CERKL: variants seen among roughly 807,000 people sequenced by gnomAD.
CERKL encodes the protein ceramide kinase-like protein.
In CERKL, 61 loss-of-function variants were observed where a neutral mutation model predicts 63.4. The ratio of observed to expected loss-of-function variants is 0.96; its 90% CI spans 0.78 to 1.19. CERKL has a LOEUF of 1.19. CERKL is among the 50% of genes most tolerant of loss of function. The pLI, the probability that CERKL is intolerant of heterozygous loss-of-function variation, is 0.00. For synonymous variants in CERKL, 250 were observed against 230.5 expected (o/e 1.08, Z -0.77); for missense variants, 675 against 655.5 (o/e 1.03, Z -0.33).
chr2:181,619,659 A>G (rs530524821), intron 1 of CERKL, among the ~76,000 whole-genome samples: 1 of 152,218 alleles, frequency 6.6e-6, no homozygotes, highest in African/African-American at 2.4e-5. Context: ...TTCATTTCCT[A>G]GCACATGGAA....
rs1186404031 is a variant in CERKL, at chr2:181,537,570, CTT to C, written c.*612_*613del. The stretch of plus-strand genomic sequence containing the variant: ...TTAGGGAGCAGTGAATCAAGGCAGA[CTT>C]ATGAAATCTGTATTATATTTGTAAC... On this transcript the variant is annotated 3_prime_UTR_variant, in exon 13 of 13. Transcript: ENST00000410087. 2.3e-6 allele frequency: 1 copy of C among 432,078 alleles called. No individual in the cohort carries two copies. The highest frequency in any genetic ancestry group is 7.1e-5 in the East Asian group (1 of 14,166). The allele number at this position is 432,078 out of a possible 1,614,324, so 26.8% of individuals were successfully genotyped here.
At chr2:181,594,318 C>CA (rs374177333) in intron 2 of CERKL, among the ~76,000 whole-genome samples, 1 of 152,284 alleles carries the variant, frequency 6.6e-6, no homozygotes, top group African/African-American at 2.4e-5. Context: ...TGTTTTCTAT[C>CA]AGAGTATCAG....
intron 2 of CERKL, among the ~76,000 whole-genome samples, chr2:181,579,460 AT>A (rs1038956124): frequency 3.3e-5 from 5 of 151,978 alleles, no homozygotes; most frequent in African/African-American, 1.2e-4. Context: ...TCACTTGCCA[AT>A]TCTTCATATT....
chr2:181,648,547 G>A (rs1687765738), intron 1 of CERKL, among the ~76,000 whole-genome samples: 1 of 152,184 alleles, frequency 6.6e-6, no homozygotes, highest in Non-Finnish European at 1.5e-5. Context: ...GTTTACAGGA[G>A]TGCTACAGCT....
rs1687251851 is a variant in CERKL, at chr2:181,537,928, TTAGATTCTCA to T, written c.*246_*255del. On this transcript the variant is annotated 3_prime_UTR_variant, in exon 13 of 13. Transcript: ENST00000410087. The stretch of plus-strand genomic sequence containing the variant: ...TCCCCCTGTCAGATCAGCAGCAGCA[TTAGATTCTCA>T]TAGAAGTGCGAACCATATGGTGAAC... 1.7e-6 allele frequency: 1 copy of T among 596,856 alleles called. No homozygotes were observed. Among genetic ancestry groups the T allele is most frequent in the South Asian group, 1.5e-5 (1 of 65,696 alleles). The allele number at this position is 596,856 out of a possible 1,614,324, so 37.0% of individuals were successfully genotyped here. A position where few individuals can be genotyped will look rare whatever the true frequency, so the allele number is the denominator to read the frequency against.
chr2:181,654,155 C>T (rs1272411729), intron 1 of CERKL, among the ~76,000 whole-genome samples: 48 of 150,576 alleles, frequency 3.2e-4, no homozygotes, highest in Non-Finnish European at 8.9e-5. Flanking sequence ...AAATATTTCT[C>T]TACTTAAAAA....
chr2:181,608,413 G>A (rs890740261), intron 1 of CERKL, among the ~76,000 whole-genome samples: 13 of 131,042 alleles, frequency 9.9e-5, no homozygotes, highest in African/African-American at 3.4e-4. Flanking sequence ...ACAAAGGAAG[G>A]AAGCTGGGGG....
At chr2:181,596,011 CA>C (rs1346944518) in intron 2 of CERKL, among the ~76,000 whole-genome samples, 14 of 152,228 alleles carry the variant, frequency 9.2e-5, no homozygotes, top group African/African-American at 3.4e-4. Flanking sequence ...ACTTATTTAA[CA>C]GCATGAAAAC....
chr2:181,614,817 T>C (rs1446291469), intron 1 of CERKL, among the ~76,000 whole-genome samples: 1 of 152,206 alleles, frequency 6.6e-6, no homozygotes, highest in Non-Finnish European at 1.5e-5. Flanking sequence ...AATTCTACCT[T>C]AATGTTAAAA....
intron 1 of CERKL, among the ~76,000 whole-genome samples, chr2:181,619,253 T>C (rs1329682222): frequency 1.3e-5 from 2 of 152,018 alleles, no homozygotes; most frequent in Non-Finnish European, 2.9e-5. Flanking sequence ...TGTATAGGGT[T>C]GGGGGAGGTC....
intron 1 of CERKL, among the ~76,000 whole-genome samples, chr2:181,631,521 C>T (rs541668861): frequency 5.5e-4 from 83 of 152,126 alleles, no homozygotes; most frequent in Non-Finnish European, 1.1e-3. Flanking sequence ...TTCCCCCATG[C>T]TAATGCTGCT....
chr2:181,538,716 A>AGAT (rs1238076446), intron 12 of CERKL, among the ~76,000 whole-genome samples: 1 of 152,178 alleles, frequency 6.6e-6, no homozygotes, highest in East Asian at 1.9e-4. Context: ...GAGGAAACTA[A>AGAT]GATGGAAGGA....
intron 10 of CERKL, among the ~76,000 whole-genome samples, chr2:181,545,592 T>G (rs1284555771): frequency 6.6e-6 from 1 of 152,122 alleles, no homozygotes; most frequent in African/African-American, 2.4e-5. Context: ...ACCTTAGAGA[T>G]TATCTCATCA....
chr2:181,600,679 C>T (rs923532799), intron 2 of CERKL, among the ~76,000 whole-genome samples: 1 of 152,168 alleles, frequency 6.6e-6, no homozygotes, highest in African/African-American at 2.4e-5. Flanking sequence ...AATAAATATG[C>T]ACTCAATGTT....
At chr2:181,649,391 C>A (rs1217864789) in intron 1 of CERKL, among the ~76,000 whole-genome samples, 1 of 152,068 alleles carries the variant, frequency 6.6e-6, no homozygotes. Context: ...ACCTAAGTAC[C>A]CAGATACATA....
Position 181,549,637 on chromosome 2 carries a change from T to C in CERKL, c.892A>G (p.Met298Val), listed in dbSNP as rs779802137. ...ACTGCTTTGGAAGAATTCTTACCCA[T>C]TATAATGTGCAATGTTGCAGTTATC... Reference protein sequence around the residue: ...HVITATLHIIMGHVQLVDVCT... With the variant: ...HVITATLHIIVGHVQLVDVCT... Residue 298 changes from methionine (M) to valine (V), a missense_variant, in exon 6 of 13, where the codon ATG becomes GTG. By Grantham distance (21) the Met-to-Val change is conservative. Transcript: ENST00000410087. 1 of 1,604,146 alleles carries C rather than the reference T, an allele frequency of 6.2e-7. No homozygotes were observed. The highest frequency in any genetic ancestry group is 1.7e-5 in the Admixed American group (1 of 59,948).
chr2:181,547,709 G>A lies in CERKL; in HGVS notation c.1177C>T (p.Gln393Ter), dbSNP rs748555018. 1 of 1,614,010 alleles carries A rather than the reference G, an allele frequency of 6.2e-7. No homozygotes were observed. Among genetic ancestry groups the A allele is most frequent in the Non-Finnish European group, 8.5e-7 (1 of 1,179,930 alleles). ...TTCAAGAACTGACCCTGGATCATTTGCCATTGATCATTACAGTCTAAAGGT... is the reference window on the plus strand; with the variant it reads ...TTCAAGAACTGACCCTGGATCATTTACCATTGATCATTACAGTCTAAAGGT... Reference protein sequence around the residue: ...SPKSDCNDQWQMIQGQFLNVS... With the variant: ...SPKSDCNDQW The change falls in exon 10 of 13, where the codon CAA becomes TAA. Residue 393 changes from glutamine to a stop codon, truncating the protein, a stop_gained. Transcript: ENST00000410087. LOFTEE classifies it high-confidence loss of function.
rs1351575195 is a variant in CERKL, at chr2:181,630,907, T to A, written c.238+25862A>T. On this transcript the variant is annotated intron_variant, in intron 1 of 12. Coordinates refer to ENST00000410087, the MANE Select transcript of CERKL (RefSeq NM_201548.5). ...ATGGCAAGCAGAGAAACTGATTGTATCTTTTTTCATTTCTGTGTTCCAATA... is the reference window on the plus strand; with the variant it reads ...ATGGCAAGCAGAGAAACTGATTGTAACTTTTTTCATTTCTGTGTTCCAATA... Among the ~76,000 whole-genome samples the A allele has an allele frequency of 2.0e-5, 3 of 152,250 alleles. No individual in the cohort carries two copies. The East Asian group carries it at 5.8e-4, about 29-fold the overall frequency.
At chr2:181,583,453 TG>T (rs1684625619) in intron 2 of CERKL, among the ~76,000 whole-genome samples, 3 of 152,214 alleles carry the variant, frequency 2.0e-5, no homozygotes, top group South Asian at 2.1e-4. Flanking sequence ...GAAGTATTCT[TG>T]CCCAAAGTAT....
Sources: allele counts gnomAD v4.1 joint callset (sites outside exome capture counted in the v4.1 genomes callset), GRCh38; gene constraint gnomAD v4.1.1; transcripts MANE v1.5; gene names NCBI Gene and HGNC (gene_info 2026-07-23, HGNC 2026-07-21).